Variants in TMEM108 observed in about 807,000 individuals in gnomAD.
TMEM108 encodes cancer/testis antigen 124.
A neutral mutation model predicts 35.1 loss-of-function variants in TMEM108; 12 were observed. The ratio of observed to expected loss-of-function variants is 0.34; its 90% CI spans 0.22 to 0.55. TMEM108 has a LOEUF of 0.55. Ranked by LOEUF, TMEM108 falls within the 20% of genes least tolerant of loss-of-function variation. TMEM108 has a pLI of 0.89. For synonymous variants in TMEM108, 287 were observed against 308.6 expected (o/e 0.93, Z 0.73); for missense variants, 680 against 753.3 (o/e 0.90, Z 1.14).
intron 3 of TMEM108, among the ~76,000 whole-genome samples, chr3:133,352,435 C>G (rs562503583): frequency 6.6e-6 from 1 of 152,178 alleles, no homozygotes; most frequent in Non-Finnish European, 1.5e-5. Flanking sequence ...TTTATACTGT[C>G]TACCTGGCAA....
intron 2 of TMEM108, among the ~76,000 whole-genome samples, chr3:133,073,504 C>CTATA (rs1302060288): frequency 8.1e-5 from 7 of 85,908 alleles, no homozygotes; most frequent in East Asian, 7.8e-4. Context: ...CTCTCTCTCT[C>CTATA]TCTCTCTATA....
intron 2 of TMEM108, among the ~76,000 whole-genome samples, chr3:133,130,068 G>A (rs538415375): frequency 2.2e-5 from 2 of 90,094 alleles, no homozygotes; most frequent in South Asian, 7.6e-4. Context: ...GTGGCAAAAG[G>A]TGTGTGAATC....
At chr3:133,152,943 A>G (rs933508928) in intron 2 of TMEM108, among the ~76,000 whole-genome samples, 3 of 152,106 alleles carry the variant, frequency 2.0e-5, no homozygotes, top group Non-Finnish European at 2.9e-5. Context: ...CTAGGCTGCA[A>G]AGAGCTTTGA....
chr3:133,191,165 G>C (rs1945492231), intron 2 of TMEM108, among the ~76,000 whole-genome samples: 1 of 152,052 alleles, frequency 6.6e-6, no homozygotes, highest in Admixed American at 6.6e-5. Context: ...GGGGTGGGAG[G>C]ATCTATAAGC....
At chr3:133,154,821 C>T (rs974867392) in intron 2 of TMEM108, among the ~76,000 whole-genome samples, 3 of 152,020 alleles carry the variant, frequency 2.0e-5, no homozygotes, top group African/African-American at 7.2e-5. Flanking sequence ...TGTAACAAAC[C>T]TGCACGTTGT....
intron 2 of TMEM108, among the ~76,000 whole-genome samples, chr3:133,183,706 T>C (rs2107806445): frequency 6.6e-6 from 1 of 152,226 alleles, no homozygotes; most frequent in East Asian, 1.9e-4. Flanking sequence ...ACATTCTTGT[T>C]GAGGCAGGGA....
At chr3:133,064,081 G>C (rs1259992777) in intron 2 of TMEM108, among the ~76,000 whole-genome samples, 1 of 152,096 alleles carries the variant, frequency 6.6e-6, no homozygotes. Context: ...GAAGAAAGCG[G>C]TAATGTCTGC....
In TMEM108 at chr3:133,369,241, G is replaced by A. The variant is rs1195149819; in HGVS notation, c.41-10511G>A. 2.6e-5 allele frequency among the ~76,000 whole-genome samples: 4 copies of A among 152,256 alleles called. No individual in the cohort carries two copies. In the East Asian group the frequency reaches 5.8e-4, roughly 22 times the overall value. Reference sequence around the variant, plus strand: ...GGGCAGGGAGCCACCATTTCTACCTGGGGAGTTGAGGGACCTTGACCTTGC... The same window carrying A: ...GGGCAGGGAGCCACCATTTCTACCTAGGGAGTTGAGGGACCTTGACCTTGC... On this transcript the variant is annotated intron_variant, in intron 3 of 5. Transcript: ENST00000321871.
chr3:133,280,285 A>G (rs778934397), intron 3 of TMEM108, among the ~76,000 whole-genome samples: 1 of 152,140 alleles, frequency 6.6e-6, no homozygotes, highest in Admixed American at 6.5e-5. Context: ...TCCCCAATAT[A>G]TATTTTGTAT....
At chr3:133,138,909 C>G (rs1181866736) in intron 2 of TMEM108, among the ~76,000 whole-genome samples, 1 of 152,036 alleles carries the variant, frequency 6.6e-6, no homozygotes, top group East Asian at 1.9e-4. Flanking sequence ...AATGCTCTCC[C>G]TCCCCTAGCT....
intron 2 of TMEM108, among the ~76,000 whole-genome samples, chr3:133,112,216 C>T (rs1219115354): frequency 6.6e-6 from 1 of 152,014 alleles, no homozygotes; most frequent in African/African-American, 2.4e-5. Flanking sequence ...CATGGATACC[C>T]CTCCAGGAAC....
chr3:133,306,048 G>A (rs560470439), intron 3 of TMEM108, among the ~76,000 whole-genome samples: 12 of 152,162 alleles, frequency 7.9e-5, no homozygotes, highest in Non-Finnish European at 1.5e-4. Context: ...TTTTCTGTCT[G>A]TGGCTTATAT....
chr3:133,388,710 C>T, intron 4 of TMEM108: 1 of 985,454 alleles, frequency 1.0e-6, no homozygotes, highest in South Asian at 4.7e-5. Context: ...GAGACCTTTC[C>T]AGGTTGAGAG....
intron 2 of TMEM108, among the ~76,000 whole-genome samples, chr3:133,079,507 G>A (rs4854688): frequency 0.037 from 5,700 of 152,226 alleles, 179 homozygotes; most frequent in Admixed American, 0.076. Context: ...TGGTTTACAG[G>A]TAGCCATCTA....
At chr3:133,166,183 T>G (rs1394378915) in intron 2 of TMEM108, among the ~76,000 whole-genome samples, 1 of 152,122 alleles carries the variant, frequency 6.6e-6, no homozygotes, top group East Asian at 1.9e-4. Flanking sequence ...AAAACATAGT[T>G]TTTGTTGGAG....
chr3:133,274,841 C>T (rs1292074367), intron 3 of TMEM108, among the ~76,000 whole-genome samples: 3 of 152,150 alleles, frequency 2.0e-5, no homozygotes, highest in African/African-American at 7.2e-5. Context: ...CATTCCCTAC[C>T]CTCCCTGCTG....
At chr3:133,087,038 C>T (rs1286192663) in intron 2 of TMEM108, among the ~76,000 whole-genome samples, 1 of 152,184 alleles carries the variant, frequency 6.6e-6, no homozygotes, top group Non-Finnish European at 1.5e-5. Flanking sequence ...TGGGGAGGAA[C>T]ATTCAACTTT....
intron 2 of TMEM108, among the ~76,000 whole-genome samples, chr3:133,150,776 C>T (rs767202738): frequency 1.3e-4 from 20 of 152,074 alleles, no homozygotes; most frequent in African/African-American, 2.7e-4. Context: ...AGTCTGATGG[C>T]GCAGTGAACA....
intron 2 of TMEM108, among the ~76,000 whole-genome samples, chr3:133,095,575 T>C (rs1284413253): frequency 1.3e-5 from 2 of 150,826 alleles, no homozygotes; most frequent in East Asian, 4.0e-4. Context: ...AGCTTGTTTT[T>C]CTGCAACTAG....
Sources: gnomAD v4.1 joint callset for allele counts (sites outside exome capture counted in the v4.1 genomes callset) on GRCh38, gnomAD v4.1.1 for gene constraint, MANE v1.5 for transcripts, NCBI Gene and HGNC (gene_info 2026-07-23, HGNC 2026-07-21) for gene names.